Variants in EIF2S3B observed in about 807,000 individuals in gnomAD.
EIF2S3B encodes eukaryotic translation initiation factor 2 subunit gamma B, also known as eukaryotic translation initiation factor 2 subunit 3B.
Under a neutral mutation model 26.4 loss-of-function variants are expected in EIF2S3B, and 16 were observed. That is an observed-to-expected ratio of 0.61 (90% confidence interval 0.41 to 0.92). The LOEUF (loss-of-function observed/expected upper bound fraction) is 0.92. EIF2S3B is among the 40% of genes least tolerant of loss of function. The pLI, the probability that EIF2S3B is intolerant of heterozygous loss-of-function variation, is 0.00. For missense variants in EIF2S3B, 510 were observed against 575.5 expected (o/e 0.89, Z 1.16); for synonymous variants, 183 against 204.4 (o/e 0.90, Z 0.89).
intron 1 of EIF2S3B, among the ~76,000 whole-genome samples, chr12:10,516,586 A>G (rs889257819): frequency 3.9e-5 from 6 of 151,994 alleles, no homozygotes; most frequent in Admixed American, 6.6e-5. Flanking sequence ...TCTTTTCCTA[A>G]TTGAATACCC....
chr12:10,506,557 G>A lies in EIF2S3B; in HGVS notation c.655G>A (p.Ala219Thr), dbSNP rs535606670. Reference sequence around the variant, plus strand: ...TGTCCAAGGTACAGTAGCAGAGGGAGCTCCCATTATTCCAATTTCGGCTCA... The same window carrying A: ...TGTCCAAGGTACAGTAGCAGAGGGAACTCCCATTATTCCAATTTCGGCTCA... ...AFVQGTVAEG[A>T]PIIPISAQLK... Residue 219 changes from alanine to threonine, a missense_variant, in exon 1 of 1, where the codon GCT becomes ACT. Coordinates refer to ENST00000538173, the MANE Select transcript of EIF2S3B (RefSeq NM_001357734.3). 8.2e-6 allele frequency: 13 copies of A among 1,591,002 alleles called. No homozygotes were observed. The African/African-American group carries it at 1.7e-4, about 21-fold the overall frequency.
exon 2 of EIF2S3B, chr12:10,522,612 A>G: frequency 1.4e-6 from 1 of 692,592 alleles, no homozygotes; most frequent in South Asian, 1.5e-5. Context: ...GATTCATCTA[A>G]TTCACCTTGA....
At chr12:10,519,855 AAAC>A (rs1864811287) in intron 1 of EIF2S3B, among the ~76,000 whole-genome samples, 1 of 151,328 alleles carries the variant, frequency 6.6e-6, no homozygotes, top group South Asian at 2.1e-4. Flanking sequence ...AAAAGTCAGG[AAAC>A]AACAGGTGCT....
At chr12:10,516,550 A>G (rs1321141516) in intron 1 of EIF2S3B, among the ~76,000 whole-genome samples, 1 of 152,122 alleles carries the variant, frequency 6.6e-6, no homozygotes, top group Non-Finnish European at 1.5e-5. Context: ...AGAAGGAGAT[A>G]TGCAAACAGG....
chr12:10,523,039 A>G (rs1437176994), exon 2 of EIF2S3B: 3 of 154,792 alleles, frequency 1.9e-5, no homozygotes, highest in African/African-American at 7.2e-5. Flanking sequence ...AAAATATGTT[A>G]AATATAAACT....
rs750179742 is a variant in EIF2S3B, at chr12:10,506,216, G to T, written c.314G>T (p.Cys105Phe). ...CCTCGGCCAGAATGTTATCGATCTT[G>T]TGGGAGCAGTATGCCTGATGAGTTT... is the stretch of plus-strand genomic sequence containing the variant. Reference protein sequence around the residue: ...SCPRPECYRSCGSSMPDEFPT... With the variant: ...SCPRPECYRSFGSSMPDEFPT... The change falls in exon 1 of 1, where the codon TGT (cysteine) becomes TTT (phenylalanine). Residue 105 changes from cysteine (C) to phenylalanine (F), a missense_variant. By Grantham distance (205) the Cys-to-Phe change is radical (BLOSUM62 -2). Coordinates refer to ENST00000538173, the MANE Select transcript of EIF2S3B (RefSeq NM_001357734.3). 1.3e-6 allele frequency: 2 copies of T among 1,593,386 alleles called. No homozygotes were observed. The highest frequency in any genetic ancestry group is 1.1e-5 in the South Asian group (1 of 90,614).
intron 1 of EIF2S3B, among the ~76,000 whole-genome samples, chr12:10,513,945 G>A (rs2137949255): frequency 6.6e-6 from 1 of 152,262 alleles, no homozygotes; most frequent in Non-Finnish European, 1.5e-5. Context: ...AACCTGGGAG[G>A]TGGAGGTTGC....
At chr12:10,512,396 G>T (rs1365663092), downstream of EIF2S3B, among the ~76,000 whole-genome samples, 1 of 152,072 alleles carries the variant, frequency 6.6e-6, no homozygotes, top group Admixed American at 6.6e-5. Flanking sequence ...CAAATTGATG[G>T]TTTTTATAAT....
At chr12:10,511,373 T>C (rs1014846630), downstream of EIF2S3B, among the ~76,000 whole-genome samples, 2 of 152,092 alleles carry the variant, frequency 1.3e-5, no homozygotes, top group Non-Finnish European at 2.9e-5. Context: ...CCCAGGCTGG[T>C]CTCAAACTCC....
chr12:10,522,030 T>C (rs954028820), intron 1 of EIF2S3B, among the ~76,000 whole-genome samples: 4 of 152,238 alleles, frequency 2.6e-5, no homozygotes, highest in Non-Finnish European at 4.4e-5. Context: ...TACAATTTTA[T>C]GTTAATATTA....
intron 1 of EIF2S3B, among the ~76,000 whole-genome samples, chr12:10,518,531 T>C (rs555127300): frequency 0.011 from 1,657 of 152,218 alleles, 29 homozygotes; most frequent in African/African-American, 0.038. Flanking sequence ...TACAGCACAC[T>C]GATGGGTCTT....
downstream of EIF2S3B, among the ~76,000 whole-genome samples, chr12:10,511,095 T>G (rs906458746): frequency 6.6e-6 from 1 of 152,050 alleles, no homozygotes; most frequent in African/African-American, 2.4e-5. Context: ...CAGAAGGGTT[T>G]AATTCTATGG....
chr12:10,515,077 A>G (rs886733498), intron 1 of EIF2S3B, among the ~76,000 whole-genome samples: 3 of 152,118 alleles, frequency 2.0e-5, no homozygotes, highest in Non-Finnish European at 4.4e-5. Flanking sequence ...TTATTACCCA[A>G]GAACTATTTG....
chr12:10,519,634 A>C (rs1202498615), intron 1 of EIF2S3B, among the ~76,000 whole-genome samples: 1 of 152,192 alleles, frequency 6.6e-6, no homozygotes, highest in Non-Finnish European at 1.5e-5. Flanking sequence ...AATATCCAGA[A>C]TCTACAATGA....
In EIF2S3B at chr12:10,507,973, GTTTT is replaced by G. The variant is rs112483874; in HGVS notation, c.*658_*661del. ...TATCACTGAAACTGTTCGAAATAAA[GTTTT>G]TTTTTGTTTTTCATGATTCGTCTTT... On this transcript the variant is annotated 3_prime_UTR_variant, in exon 1 of 1. Transcript: ENST00000538173. Among the ~76,000 whole-genome samples the G allele has an allele frequency of 3.3e-5, 5 of 151,766 alleles. No homozygotes were observed. Among genetic ancestry groups the G allele is most frequent in the African/African-American group, 1.2e-4 (5 of 41,294 alleles).
intron 1 of EIF2S3B, among the ~76,000 whole-genome samples, chr12:10,517,715 T>C (rs1169574110): frequency 6.6e-6 from 1 of 152,206 alleles, no homozygotes; most frequent in Non-Finnish European, 1.5e-5. Flanking sequence ...GTTGTCAATT[T>C]TGGATCTTTC....
downstream of EIF2S3B, among the ~76,000 whole-genome samples, chr12:10,508,525 CAAAAAAAAAAAAAAAA>C: frequency 7.9e-5 from 5 of 62,988 alleles, no homozygotes; most frequent in African/African-American, 2.2e-4. Context: ...TGTTAGAAAG[CAAAAAAAAAAAAAAAA>C]AAAAAAAAGA....
chr12:10,512,388 A>G (rs938982290), downstream of EIF2S3B, among the ~76,000 whole-genome samples: 4 of 152,184 alleles, frequency 2.6e-5, no homozygotes, highest in South Asian at 2.1e-4. Context: ...TGCAGCTCCA[A>G]ATTGATGGTT....
rs1864653433 is a variant in EIF2S3B, at chr12:10,507,575, A to G, written c.*254A>G. On this transcript the variant is annotated 3_prime_UTR_variant, in exon 1 of 1. Coordinates refer to ENST00000538173, the MANE Select transcript of EIF2S3B (RefSeq NM_001357734.3). ...AAGTTAAGCATTCCCACATAATGTC[A>G]AAATTATACATTATGCAGTTTTTTT... 1.7e-6 allele frequency: 1 copy of G among 580,582 alleles called. No individual in the cohort carries two copies. The highest frequency in any genetic ancestry group is 1.9e-5 in the African/African-American group (1 of 53,510). 36.0% of individuals were successfully genotyped at this position (580,582 alleles called of 1,614,324 possible).
Sources: gnomAD v4.1 joint callset for allele counts (sites outside exome capture counted in the v4.1 genomes callset) on GRCh38, gnomAD v4.1.1 for gene constraint, MANE v1.5 for transcripts, NCBI Gene and HGNC (gene_info 2026-07-23, HGNC 2026-07-21) for gene names.